The following GTF2A1L variants were observed in gnomAD, a reference collection of about 807,000 sequenced individuals.
GTF2A1L encodes the protein TFIIA-alpha and beta-like factor.
A neutral mutation model predicts 49.7 loss-of-function variants in GTF2A1L; 48 were observed. The observed-to-expected ratio is 0.97, with a 90% CI of 0.77 to 1.23. The LOEUF (loss-of-function observed/expected upper bound fraction) is 1.23. GTF2A1L is among the 50% of genes most tolerant of loss of function. GTF2A1L has a pLI of 0.00. For missense variants in GTF2A1L, 736 were observed against 564.8 expected, an observed-to-expected ratio of 1.30 and a Z score of -3.07; for synonymous variants, 246 against 193.5, an observed-to-expected ratio of 1.27 and a Z score of -2.25.
intron 6 of GTF2A1L, 35 bp downstream of exon 6, chr2:48,647,077 G>T (rs1168361107): frequency 6.7e-7 from 1 of 1,503,304 alleles, no homozygotes; most frequent in Non-Finnish European, 8.9e-7. Context: ...GGTATCAGGG[G>T]ACAGATAGTG....
At chr2:48,618,940 T>C (rs1675817306) in intron 1 of GTF2A1L, among the ~76,000 whole-genome samples, 1 of 151,966 alleles carries the variant, frequency 6.6e-6, no homozygotes, top group African/African-American at 2.4e-5. Flanking sequence ...TTTTTAGACC[T>C]AAGAGTTTTT....
intron 8 of GTF2A1L, 96 bp downstream of exon 8, chr2:48,671,776 C>A: frequency 8.5e-7 from 1 of 1,175,888 alleles, no homozygotes; most frequent in Non-Finnish European, 1.2e-6. Context: ...AGTTACACTT[C>A]ACAATTAATC....
At chr2:48,636,876 G>A (rs1676922889) in intron 3 of GTF2A1L, among the ~76,000 whole-genome samples, 1 of 152,120 alleles carries the variant, frequency 6.6e-6, no homozygotes, top group Non-Finnish European at 1.5e-5. Flanking sequence ...GGGACTTCAA[G>A]TCAGCTTCTG....
At chr2:48,658,576 G>T (rs998578449) in intron 6 of GTF2A1L, among the ~76,000 whole-genome samples, 1 of 152,058 alleles carries the variant, frequency 6.6e-6, no homozygotes, top group African/African-American at 2.4e-5. Context: ...GATTGTTTTG[G>T]CTGTTCAGGC....
chr2:48,625,178 C>G (rs1676230508), intron 3 of GTF2A1L, among the ~76,000 whole-genome samples: 1 of 144,054 alleles, frequency 6.9e-6, no homozygotes, highest in Non-Finnish European at 1.6e-5. Context: ...TTCCCACCAA[C>G]AGAGTACAGG....
intron 8 of GTF2A1L, 119 bp from the exon 9 acceptor site, chr2:48,679,216 T>C (rs1180919681): frequency 7.7e-7 from 1 of 1,290,620 alleles, no homozygotes; most frequent in Non-Finnish European, 1.0e-6. Flanking sequence ...CTTGAGGAGA[T>C]TTTAATTTTA....
At chr2:48,635,168 C>A (rs1676819084) in intron 3 of GTF2A1L, among the ~76,000 whole-genome samples, 1 of 151,518 alleles carries the variant, frequency 6.6e-6, no homozygotes, top group Non-Finnish European at 1.5e-5. Context: ...ATGACTCAGG[C>A]TAGTGGACCA....
chr2:48,655,401 G>T (rs1351908690), intron 6 of GTF2A1L, among the ~76,000 whole-genome samples: 1 of 151,928 alleles, frequency 6.6e-6, no homozygotes, highest in Non-Finnish European at 1.5e-5. Context: ...GTGTTATCCA[G>T]GTTTGTCTCA....
intron 6 of GTF2A1L, among the ~76,000 whole-genome samples, chr2:48,658,461 G>T (rs1276776826): frequency 6.6e-6 from 1 of 152,108 alleles, no homozygotes; most frequent in Non-Finnish European, 1.5e-5. Context: ...ATTGGTCTAT[G>T]TGTCTGTTTT....
At chr2:48,628,048 A>G (rs1003259667) in intron 3 of GTF2A1L, among the ~76,000 whole-genome samples, 1 of 144,010 alleles carries the variant, frequency 6.9e-6, no homozygotes, top group African/African-American at 2.5e-5. Context: ...GCTGCAAAGG[A>G]CATGATTTCT....
chr2:48,620,797 A>ATAAG, intron 1 of GTF2A1L, 54 bp from the exon 2 acceptor site: 1 of 947,304 alleles, frequency 1.1e-6, no homozygotes, highest in Non-Finnish European at 1.4e-6. Flanking sequence ...AAATAAATAA[A>ATAAG]TAAATAAATA....
chr2:48,641,303 G>A lies in GTF2A1L; in HGVS notation c.248-1099G>A, dbSNP rs1524157. On this transcript the variant is annotated intron_variant, in intron 3 of 8. Coordinates refer to ENST00000403751, the MANE Select transcript of GTF2A1L (RefSeq NM_006872.5). ...TAAGCAAGGTCGTAGATGAACAGAGGATAAAAATAATTCTGTGCTTCATTA... is the reference window on the plus strand; with the variant it reads ...TAAGCAAGGTCGTAGATGAACAGAGAATAAAAATAATTCTGTGCTTCATTA... 1.2e-4 allele frequency among the ~76,000 whole-genome samples: 19 copies of A among 152,148 alleles called. 1 individual carries two copies. Among genetic ancestry groups the A allele is most frequent in the African/African-American group, 3.9e-4 (16 of 41,502 alleles).
chr2:48,627,254 C>G (rs1396197353), intron 3 of GTF2A1L, among the ~76,000 whole-genome samples: 1 of 144,124 alleles, frequency 6.9e-6, no homozygotes, highest in South Asian at 2.3e-4. Context: ...TACACTAAAA[C>G]TCAACAAATG....
At chr2:48,664,059 GT>G (rs1252708651) in intron 6 of GTF2A1L, among the ~76,000 whole-genome samples, 1 of 151,952 alleles carries the variant, frequency 6.6e-6, no homozygotes, top group Non-Finnish European at 1.5e-5. Context: ...ACCATTTGGG[GT>G]TGCTTTATGT....
chr2:48,654,927 G>C (rs1337038469), intron 6 of GTF2A1L, among the ~76,000 whole-genome samples: 1 of 152,170 alleles, frequency 6.6e-6, no homozygotes, highest in Non-Finnish European at 1.5e-5. Flanking sequence ...GTAAATCAGA[G>C]AGTGTGAATC....
chr2:48,654,057 C>T (rs1345014755), intron 6 of GTF2A1L, among the ~76,000 whole-genome samples: 3 of 151,888 alleles, frequency 2.0e-5, no homozygotes, highest in Non-Finnish European at 4.4e-5. Flanking sequence ...AACTCATTTC[C>T]AAGGTGGCTG....
At chr2:48,618,754 A>T (rs13015658) in intron 1 of GTF2A1L, among the ~76,000 whole-genome samples, 13,117 of 152,258 alleles carry the variant, frequency 0.086, 611 homozygotes, top group Non-Finnish European at 0.11. Context: ...TGTGAATTCT[A>T]TGAAGGAGTG....
At position 48,647,015 on chromosome 2, in the gene GTF2A1L, A is replaced by C; in HGVS notation, c.951A>C (p.Glu317Asp). Reference protein sequence around the residue: ...DSVKQPRNIEEPSNIPVSEKD... With the variant: ...DSVKQPRNIEDPSNIPVSEKD... ...TAAAGCAACCAAGAAATATAGAGGAACCCAGCAACATACCTGTATCAGAGA... is the reference window on the plus strand; with the variant it reads ...TAAAGCAACCAAGAAATATAGAGGACCCCAGCAACATACCTGTATCAGAGA... The change falls in exon 6 of 9, where the codon GAA becomes GAC. Residue 317 changes from glutamate to aspartate, a missense_variant. Physicochemically the swap from Glu to Asp is conservative, Grantham distance 45. Transcript: ENST00000403751. The C allele has an allele frequency of 6.2e-7, 1 of 1,612,126 alleles. No homozygotes were observed. Among genetic ancestry groups the C allele is most frequent in the Non-Finnish European group, 8.5e-7 (1 of 1,179,094 alleles).
intron 6 of GTF2A1L, among the ~76,000 whole-genome samples, chr2:48,661,391 T>G (rs1416330569): frequency 6.6e-6 from 1 of 150,962 alleles, no homozygotes; most frequent in East Asian, 2.0e-4. Context: ...GTAGCCGGGA[T>G]TATAGGTGCC....
Sources: gnomAD v4.1 joint callset for allele counts (sites outside exome capture counted in the v4.1 genomes callset) on GRCh38, gnomAD v4.1.1 for gene constraint, MANE v1.5 for transcripts, NCBI Gene and HGNC (gene_info 2026-07-23, HGNC 2026-07-21) for gene names.